TOGARAM1: variants seen among roughly 807,000 people sequenced by gnomAD.
TOGARAM1 encodes the protein TOG array regulator of axonemal microtubules 1, also known as TOG array regulator of axonemal microtubules protein 1.
Under a neutral mutation model 166.6 loss-of-function variants are expected in TOGARAM1, and 100 were observed. The ratio of observed to expected loss-of-function variants is 0.60; its 90% CI spans 0.51 to 0.71. TOGARAM1 has a LOEUF of 0.71. TOGARAM1 is among the 30% of genes least tolerant of loss of function. The probability of loss-of-function intolerance (pLI) is 0.00; values close to 1 mark genes in which losing one functional copy is unlikely to be tolerated. For missense variants in TOGARAM1, 2,029 were observed against 2,102.7 expected, an observed-to-expected ratio of 0.96 and a Z score of 0.69; for synonymous variants, 758 against 763.8, an observed-to-expected ratio of 0.99 and a Z score of 0.13.
intron 16 of TOGARAM1, among the ~76,000 whole-genome samples, chr14:45,055,842 CTT>C (rs770271609): frequency 1.1e-4 from 11 of 99,244 alleles, no homozygotes; most frequent in Non-Finnish European, 1.9e-4. Context: ...TACTTGGGCT[CTT>C]TTTTTTTTTT....
At chr14:45,052,736 T>C (rs1402716469) in intron 15 of TOGARAM1, among the ~76,000 whole-genome samples, 174 bp downstream of exon 15, 1 of 152,220 alleles carries the variant, frequency 6.6e-6, no homozygotes, top group African/African-American at 2.4e-5. Context: ...GACATACATA[T>C]TGTCAAGCCT....
chr14:45,014,739 A>G (rs1057097901), intron 7 of TOGARAM1, among the ~76,000 whole-genome samples: 2 of 152,216 alleles, frequency 1.3e-5, no homozygotes, highest in African/African-American at 4.8e-5. Flanking sequence ...CTTCTAGTAT[A>G]TTAGATTAGT....
chr14:45,069,765 G>A (rs527628678), intron 18 of TOGARAM1, among the ~76,000 whole-genome samples: 2 of 152,334 alleles, frequency 1.3e-5, no homozygotes, highest in African/African-American at 4.8e-5. Flanking sequence ...CACAGCTGGT[G>A]AGAATGTAAA....
rs749059577 is a variant in TOGARAM1, at chr14:45,071,715, ATTAC to A, written c.4980_4983del (p.Leu1660PhefsTer12). ...TCTCTGTGTTCTTTTTGTTTAGACA[ATTAC>A]TTACTTCTACAGCCATTTTGCACAA... is the stretch of plus-strand genomic sequence containing the variant. On this transcript the variant is annotated frameshift_variant, in exon 19 of 20. Transcript: ENST00000361462. LOFTEE classifies it high-confidence loss of function. 25 of 1,608,098 alleles carry A rather than the reference ATTAC, an allele frequency of 1.6e-5. No individual in the cohort carries two copies. The highest frequency in any genetic ancestry group is 9.4e-5 in the African/African-American group (7 of 74,630).
intron 7 of TOGARAM1, among the ~76,000 whole-genome samples, chr14:45,013,261 A>G (rs976991222): frequency 2.6e-5 from 4 of 152,174 alleles, no homozygotes; most frequent in Non-Finnish European, 5.9e-5. Flanking sequence ...AAACAAGATT[A>G]TTACCTCTTT....
At chr14:44,973,804 T>C (rs946862423) in intron 1 of TOGARAM1, among the ~76,000 whole-genome samples, 5 of 151,748 alleles carry the variant, frequency 3.3e-5, no homozygotes, top group Admixed American at 1.3e-4. Flanking sequence ...GGTTTTTTTT[T>C]TCTCTCAATA....
chr14:45,060,399 A>G (rs1882853241), intron 16 of TOGARAM1, among the ~76,000 whole-genome samples: 1 of 151,890 alleles, frequency 6.6e-6, no homozygotes, highest in African/African-American at 2.4e-5. Context: ...TATTTTTAGT[A>G]GAGACAGGAT....
In TOGARAM1 at chr14:45,017,055, G is replaced by A. The variant is rs554962347; in HGVS notation, c.3238+4980G>A. Among the ~76,000 whole-genome samples the A allele has an allele frequency of 5.3e-5, 8 of 152,194 alleles. No individual in the cohort carries two copies. In the East Asian group the frequency reaches 5.8e-4, roughly 11 times the overall value. ...GGTCACTTGATATTTCATCTAGCGC[G>A]TTAGAAATACAAAATGAACAATACC... is the stretch of plus-strand genomic sequence containing the variant. On this transcript the variant is annotated intron_variant, in intron 7 of 19. Transcript: ENST00000361462.
At chr14:45,065,920 A>G (rs1028698674) in intron 16 of TOGARAM1, among the ~76,000 whole-genome samples, 3 of 152,174 alleles carry the variant, frequency 2.0e-5, no homozygotes, top group Non-Finnish European at 4.4e-5. Flanking sequence ...TGCTATCCCT[A>G]AAAAAGGCTG....
In TOGARAM1 at chr14:45,004,343, C is replaced by G. The variant is rs146298146; in HGVS notation, c.2621C>G (p.Ser874Cys). The change falls in exon 4 of 20, where the codon TCT becomes TGT. Residue 874 changes from serine to cysteine, a missense_variant. Ser to Cys is a moderately radical substitution (Grantham distance 112, BLOSUM62 -1). This residue lies in a region of TOGARAM1 where 1,453 missense variants were observed against 1,432.2 expected (regional missense o/e 1.01). Transcript: ENST00000361462. ...PQKKLVSQKSSDPTGRNHGEN... is the reference protein window; with the variant it reads ...PQKKLVSQKSCDPTGRNHGEN... The stretch of plus-strand genomic sequence containing the variant: ...AAGAAGCTTGTCAGCCAAAAATCGT[C>G]TGATCCTACGGGTAGAAATCATGGT... 1.4e-5 allele frequency: 22 copies of G among 1,613,708 alleles called. No homozygotes were observed. The African/African-American group carries it at 2.7e-4, about 20-fold the overall frequency.
At chr14:45,008,875 T>G (rs762048944) in intron 5 of TOGARAM1, 38 bp from the exon 6 acceptor site, 4 of 1,519,440 alleles carry the variant, frequency 2.6e-6, no homozygotes, top group Non-Finnish European at 3.6e-6. Flanking sequence ...ATATAAGGAA[T>G]TTATGTTATA....
intron 14 of TOGARAM1, among the ~76,000 whole-genome samples, chr14:45,049,573 T>C (rs1882256191): frequency 6.6e-6 from 1 of 152,164 alleles, no homozygotes; most frequent in African/African-American, 2.4e-5. Context: ...AGTTCTCTTC[T>C]TTTAAGCGCT....
intron 16 of TOGARAM1, among the ~76,000 whole-genome samples, chr14:45,061,984 T>C (rs555025156): frequency 1.3e-5 from 2 of 152,300 alleles, no homozygotes; most frequent in South Asian, 2.1e-4. Context: ...TGCTCTGTCA[T>C]TGAACATGCT....
Position 44,995,913 on chromosome 14 carries a change from G to T in TOGARAM1, c.2203+11G>T. The T allele has an allele frequency of 6.3e-7, 1 of 1,586,406 alleles. No individual in the cohort carries two copies. Among genetic ancestry groups the T allele is most frequent in the Non-Finnish European group, 8.5e-7 (1 of 1,169,786 alleles). On this transcript the variant is annotated intron_variant, in intron 2 of 19. Coordinates refer to ENST00000361462, the MANE Select transcript of TOGARAM1 (RefSeq NM_001308120.2). ...CTTTATGTGCTGCTGGTAAGTACAA[G>T]TTGCTGATGATGGTCATGTTGAACT...
Position 44,964,244 on chromosome 14 carries a change from C to T in TOGARAM1, c.1823C>T (p.Ala608Val). ...AGGTCAAACCATTTGGCACATGGAGCAGATACGGACTGGCTTTTGGCTGGT... is the reference window on the plus strand; with the variant it reads ...AGGTCAAACCATTTGGCACATGGAGTAGATACGGACTGGCTTTTGGCTGGT... ...GGRSNHLAHG[A>V]DTDWLLAGNR... The change falls in exon 1 of 20, where the codon GCA (alanine) becomes GTA (valine). Residue 608 changes from alanine to valine, a missense_variant. Coordinates refer to ENST00000361462, the MANE Select transcript of TOGARAM1 (RefSeq NM_001308120.2). 1.2e-6 allele frequency: 2 copies of T among 1,614,140 alleles called. No individual in the cohort carries two copies. Among genetic ancestry groups the T allele is most frequent in the East Asian group, 2.2e-5 (1 of 44,878 alleles).
chr14:45,066,276 G>T (rs373870736), intron 16 of TOGARAM1, among the ~76,000 whole-genome samples: 4 of 152,086 alleles, frequency 2.6e-5, no homozygotes, highest in South Asian at 2.1e-4. Flanking sequence ...GGTTTCCTCT[G>T]GTCTTTGACT....
intron 1 of TOGARAM1, among the ~76,000 whole-genome samples, chr14:44,977,870 G>A (rs950794268): frequency 6.6e-6 from 1 of 151,818 alleles, no homozygotes; most frequent in African/African-American, 2.4e-5. Context: ...GGCTGGTCTC[G>A]AACTCCTGAG....
At chr14:45,001,812 C>T (rs905812926) in intron 3 of TOGARAM1, among the ~76,000 whole-genome samples, 4 of 152,064 alleles carry the variant, frequency 2.6e-5, no homozygotes, top group Non-Finnish European at 2.9e-5. Context: ...TATTAGGAAC[C>T]GTAACTTCCT....
At chr14:45,011,857 T>C in intron 6 of TOGARAM1, 118 bp from the exon 7 acceptor site, 2 of 624,886 alleles carry the variant, frequency 3.2e-6, no homozygotes, top group South Asian at 2.5e-5. Flanking sequence ...GTCATACTTA[T>C]TGCTCCCTTA....
Sources: gnomAD v4.1 joint callset for allele counts (sites outside exome capture counted in the v4.1 genomes callset) on GRCh38, gnomAD v4.1.1 for gene constraint, gnomAD v4.1.1 regional missense constraint, MANE v1.5 for transcripts, NCBI Gene and HGNC (gene_info 2026-07-23, HGNC 2026-07-21) for gene names.